FGF13: variants seen among roughly 807,000 people sequenced by gnomAD.
FGF13 encodes the protein fibroblast growth factor 13.
FGF13 carries 2 observed loss-of-function variants against 19.5 expected under a neutral mutation model. The observed-to-expected ratio is 0.10, with a 90% CI of 0.04 to 0.32. FGF13 has a LOEUF of 0.32. FGF13 is among the 10% of genes least tolerant of loss of function. FGF13 has a pLI of 1.00. For missense variants in FGF13, 113 were observed against 192.7 expected, an observed-to-expected ratio of 0.59 and a Z score of 2.45; for synonymous variants, 72 against 76.9, an observed-to-expected ratio of 0.94 and a Z score of 0.33.
intron 1 of FGF13, among the ~76,000 whole-genome samples, chrX:138,947,300 T>G (rs759707910): frequency 9.0e-6 from 1 of 111,109 alleles, no homozygotes; most frequent in South Asian, 3.8e-4. Flanking sequence ...AAAAAAAAAC[T>G]TTTTTTTCAA....
At chrX:138,932,738 G>GTGTGTA (rs2091710303) in intron 1 of FGF13, among the ~76,000 whole-genome samples, 2 of 108,631 alleles carry the variant, frequency 1.8e-5, no homozygotes, top group Admixed American at 1.9e-4. Context: ...GTGTGTGTGT[G>GTGTGTA]TGTGTCTGTT....
chrX:139,025,510 T>C (rs888390863), intron 1 of FGF13, among the ~76,000 whole-genome samples: 1 of 111,591 alleles, frequency 9.0e-6, no homozygotes, highest in Non-Finnish European at 1.9e-5. Flanking sequence ...TCTCATCCAG[T>C]TGAAGGTCAA....
rs369583359 is a variant in FGF13, at chrX:139,152,437, G to A, written c.-113+50979C>T. The stretch of plus-strand genomic sequence containing the variant: ...GGCCTTCAACCACAGACTAAAACCT[G>A]AAAACATTATAAAAGGGACTCTGGT... On this transcript the variant is annotated intron_variant, in intron 1 of 2. Transcript: ENST00000421460. 7.2e-3 allele frequency among the ~76,000 whole-genome samples: 163 copies of A among 22,597 alleles called. 5 individuals are homozygous for A. In the South Asian group the frequency reaches 0.32, roughly 44 times the overall value. 19.6% of individuals were successfully genotyped at this position (22,597 alleles called of 115,157 possible).
chrX:138,848,815 A>G (rs1219618999), intron 3 of FGF13, among the ~76,000 whole-genome samples: 2 of 111,720 alleles, frequency 1.8e-5, no homozygotes, highest in Admixed American at 9.6e-5. Context: ...TACTCAATGT[A>G]TGGTACACAA....
intron 1 of FGF13, among the ~76,000 whole-genome samples, chrX:138,909,564 G>T (rs948919702): frequency 8.9e-6 from 1 of 111,881 alleles, no homozygotes; most frequent in East Asian, 2.8e-4. Flanking sequence ...GAAGGGTATT[G>T]TTTCCCAACT....
At chrX:139,121,456 G>A (rs2083676471) in intron 1 of FGF13, among the ~76,000 whole-genome samples, 1 of 111,422 alleles carries the variant, frequency 9.0e-6, no homozygotes, top group South Asian at 3.8e-4. Context: ...CTGGAGCACA[G>A]TGGCAAGATC....
chrX:138,717,962 G>A, intron 1 of FGF13, among the ~76,000 whole-genome samples: 2 of 111,726 alleles, frequency 1.8e-5, no homozygotes, highest in East Asian at 5.6e-4. Context: ...TGAACTTGGA[G>A]CATGTGGATC....
intron 1 of FGF13, among the ~76,000 whole-genome samples, chrX:139,115,378 C>T (rs2083632519): frequency 8.9e-6 from 1 of 112,137 alleles, no homozygotes; most frequent in South Asian, 3.7e-4. Flanking sequence ...AAAAGACAAT[C>T]ACTAGGTGAG....
intron 1 of FGF13, among the ~76,000 whole-genome samples, chrX:138,961,745 T>C (rs1481543805): frequency 1.8e-5 from 2 of 111,431 alleles, no homozygotes; most frequent in African/African-American, 6.5e-5. Flanking sequence ...AATGGGGAAA[T>C]GATTCCCTAT....
chrX:139,107,696 A>G (rs2083569883), intron 1 of FGF13, among the ~76,000 whole-genome samples: 2 of 110,835 alleles, frequency 1.8e-5, no homozygotes, highest in South Asian at 7.8e-4. Context: ...TCGGATATTC[A>G]GACCCTCAAA....
chrX:138,835,500 A>G (rs1429765457), intron 3 of FGF13, among the ~76,000 whole-genome samples: 1 of 111,561 alleles, frequency 9.0e-6, no homozygotes, highest in Admixed American at 9.5e-5. Context: ...TCTGTTTTCC[A>G]TATCCTTGGT....
intron 1 of FGF13, among the ~76,000 whole-genome samples, chrX:138,913,672 G>A (rs899240408): frequency 2.0e-5 from 2 of 100,895 alleles, no homozygotes; most frequent in Non-Finnish European, 4.1e-5. Context: ...AAGGAAGGAA[G>A]GAAGGAAGGA....
chrX:138,910,475 A>G (rs1287935720), intron 1 of FGF13, among the ~76,000 whole-genome samples: 1 of 111,913 alleles, frequency 8.9e-6, no homozygotes, highest in East Asian at 2.8e-4. Context: ...GCATCAACTT[A>G]AAGAAGTCCC....
intron 1 of FGF13, among the ~76,000 whole-genome samples, chrX:138,718,755 G>A (rs143964752): frequency 0.019 from 2,106 of 111,526 alleles, 32 homozygotes; most frequent in African/African-American, 0.065. Context: ...GGAGATGAAA[G>A]ACAGGTTGAT....
At chrX:138,977,711 T>G (rs1016620534) in intron 1 of FGF13, among the ~76,000 whole-genome samples, 2 of 111,430 alleles carry the variant, frequency 1.8e-5, no homozygotes, top group African/African-American at 6.5e-5. Context: ...AGATGAAGTG[T>G]GAGAAATGGG....
chrX:139,116,686 G>A (rs939957087), intron 1 of FGF13, among the ~76,000 whole-genome samples: 3 of 110,927 alleles, frequency 2.7e-5, no homozygotes, highest in South Asian at 3.8e-4. Context: ...AAAGGAGAGC[G>A]GGGGGAAAAA....
chrX:139,109,449 G>A (rs889008134), intron 1 of FGF13, among the ~76,000 whole-genome samples: 1 of 111,731 alleles, frequency 9.0e-6, no homozygotes, highest in Non-Finnish European at 1.9e-5. Flanking sequence ...TGAAAAAGAA[G>A]ACATGGCAGG....
chrX:138,863,469 A>G (rs2091300127), intron 2 of FGF13, among the ~76,000 whole-genome samples: 1 of 111,840 alleles, frequency 8.9e-6, no homozygotes, highest in Non-Finnish European at 1.9e-5. Flanking sequence ...CTTAAGTAAA[A>G]AGCTAGATGA....
chrX:139,071,356 C>G lies in FGF13; in HGVS notation c.-113+132060G>C, dbSNP rs7063390. Among the ~76,000 whole-genome samples the G allele has an allele frequency of 4.7e-3, 524 of 111,573 alleles. 2 individuals carry two copies. The highest frequency in any genetic ancestry group is 0.016 in the African/African-American group (494 of 30,735). On this transcript the variant is annotated intron_variant, in intron 1 of 2. Coordinates refer to the FGF13 transcript ENST00000421460. ...TTTTATTACCATCCTTTTAGTGGTA[C>G]ACACAAGTTTTTTACATAATACTTA... is the stretch of plus-strand genomic sequence containing the variant.
Sources: gnomAD v4.1 joint callset for allele counts (sites outside exome capture counted in the v4.1 genomes callset) on GRCh38, gnomAD v4.1.1 for gene constraint, MANE v1.5 for transcripts, NCBI Gene and HGNC (gene_info 2026-07-23, HGNC 2026-07-21) for gene names.